The following SCAF8 variants were observed in gnomAD, a reference collection of about 807,000 sequenced individuals.
SCAF8 encodes the protein SR-related and CTD-associated factor 8.
Under a neutral mutation model 140.5 loss-of-function variants are expected in SCAF8, and 23 were observed. The observed-to-expected ratio is 0.16, with a 90% CI of 0.12 to 0.23. The LOEUF is 0.23. Among genes scored for constraint, SCAF8 ranks in the 10% least tolerant of loss-of-function variants. SCAF8 has a pLI of 1.00. For synonymous variants in SCAF8, 575 were observed against 528.9 expected, an observed-to-expected ratio of 1.09 and a Z score of -1.20; for missense variants, 1,397 against 1,555.7, an observed-to-expected ratio of 0.90 and a Z score of 1.72.
intron 12 of SCAF8, among the ~76,000 whole-genome samples, chr6:154,812,931 C>T (rs1459986580): frequency 6.6e-6 from 1 of 151,970 alleles, no homozygotes; most frequent in Non-Finnish European, 1.5e-5. Context: ...GGTGCAGCGG[C>T]TCACACCTGT....
chr6:154,752,756 C>G (rs1583003096), intron 1 of SCAF8, among the ~76,000 whole-genome samples: 1 of 152,194 alleles, frequency 6.6e-6, no homozygotes, highest in Non-Finnish European at 1.5e-5. Context: ...GAGTCTCACT[C>G]TGTCGCCCAG....
In SCAF8 at chr6:154,780,819, G is replaced by A. The variant is rs553122998; in HGVS notation, c.159+2774G>A. On this transcript the variant is annotated intron_variant, in intron 3 of 19. Coordinates refer to ENST00000367178, the MANE Select transcript of SCAF8 (RefSeq NM_014892.5). ...CCATGTCTTTGCTATCGTGAATAGT[G>A]CTGCAGTAAACATACGTGTGCATGC... is the stretch of plus-strand genomic sequence containing the variant. Among the ~76,000 whole-genome samples the A allele has an allele frequency of 6.4e-4, 97 of 152,190 alleles. 5 individuals carry two copies. In the South Asian group the frequency reaches 0.017, roughly 27 times the overall value.
At chr6:154,781,618 C>G (rs1236850313) in intron 3 of SCAF8, among the ~76,000 whole-genome samples, 1 of 152,190 alleles carries the variant, frequency 6.6e-6, no homozygotes, top group Non-Finnish European at 1.5e-5. Flanking sequence ...CCAGAAGAGA[C>G]ATATGGTTTC....
intron 9 of SCAF8, among the ~76,000 whole-genome samples, chr6:154,806,875 A>G (rs1454912070): frequency 2.0e-5 from 3 of 152,210 alleles, no homozygotes; most frequent in Admixed American, 6.5e-5. Flanking sequence ...CACAATTAAG[A>G]ACATTTAGAT....
At chr6:154,829,830 C>A (rs1170901406) in intron 18 of SCAF8, among the ~76,000 whole-genome samples, 1 of 152,138 alleles carries the variant, frequency 6.6e-6, no homozygotes, top group Non-Finnish European at 1.5e-5. Context: ...TCACTTGAAC[C>A]CAGGAGGTGG....
chr6:154,794,780 GGTGT>G (rs1183671310), intron 5 of SCAF8, among the ~76,000 whole-genome samples: 363 of 12,424 alleles, frequency 0.029, 23 homozygotes, highest in Non-Finnish European at 0.033. Context: ...GGGTGTGGGG[GGTGT>G]GTGTGTGTGT....
At chr6:154,830,740 A>T (rs1431869759) in intron 18 of SCAF8, among the ~76,000 whole-genome samples, 182 bp from the exon 19 acceptor site, 1 of 152,156 alleles carries the variant, frequency 6.6e-6, no homozygotes, top group Non-Finnish European at 1.5e-5. Flanking sequence ...TTTTTGGATA[A>T]AGCTTTCTAA....
chr6:154,777,414 C>G lies in SCAF8; in HGVS notation c.115-587C>G, dbSNP rs992197909. Among the ~76,000 whole-genome samples, 10 of 152,160 alleles carry G rather than the reference C, an allele frequency of 6.6e-5. No individual in the cohort carries two copies. The South Asian group carries it at 2.1e-3, about 32-fold the overall frequency. On this transcript the variant is annotated intron_variant, in intron 2 of 19. Transcript: ENST00000367178. ...TAGTGGCCAATTACTAATTTTTAAT[C>G]TACATGTTCACTTCCGCTGATTCAT...
chr6:154,772,022 G>A (rs1302307957), intron 1 of SCAF8, among the ~76,000 whole-genome samples: 4 of 152,116 alleles, frequency 2.6e-5, no homozygotes, highest in East Asian at 1.9e-4. Context: ...TTTGAAATAC[G>A]AGTTGGTAGA....
chr6:154,754,934 C>T lies in SCAF8; in HGVS notation c.31-19055C>T, dbSNP rs182741531. On this transcript the variant is annotated intron_variant, in intron 1 of 19. Coordinates refer to ENST00000367178, the MANE Select transcript of SCAF8 (RefSeq NM_014892.5). ...TCACCTCATGTCTAAACTTGCCTTT[C>T]CTCCACAAACTTACTTTTAGACTTC... is the stretch of plus-strand genomic sequence containing the variant. 2.1e-3 allele frequency among the ~76,000 whole-genome samples: 316 copies of T among 152,302 alleles called. 1 individual carries two copies. The highest frequency in any genetic ancestry group is 6.7e-3 in the African/African-American group (280 of 41,570).
chr6:154,824,957 AG>A (rs1371730260), intron 17 of SCAF8: 3 of 149,258 alleles, frequency 2.0e-5, no homozygotes, highest in Non-Finnish European at 4.4e-5. Context: ...AAAGAAAAAA[AG>A]GTGAAAAAAA....
intron 1 of SCAF8, among the ~76,000 whole-genome samples, chr6:154,766,663 C>A (rs1350630463): frequency 9.3e-6 from 1 of 107,530 alleles, no homozygotes; most frequent in African/African-American, 4.3e-5. Flanking sequence ...AGCAGCACCC[C>A]CCCCCCTTTT....
chr6:154,754,699 T>C (rs942394005), intron 1 of SCAF8, among the ~76,000 whole-genome samples: 1 of 152,258 alleles, frequency 6.6e-6, no homozygotes, highest in Non-Finnish European at 1.5e-5. Flanking sequence ...TTGGTTAGTC[T>C]CATTTCTGAA....
At chr6:154,740,954 C>T in intron 1 of SCAF8, among the ~76,000 whole-genome samples, 1 of 152,040 alleles carries the variant, frequency 6.6e-6, no homozygotes, top group African/African-American at 2.4e-5. Flanking sequence ...TGGATGCAAT[C>T]CTAGGTAGCT....
intron 1 of SCAF8, among the ~76,000 whole-genome samples, chr6:154,735,421 C>T (rs905582820): frequency 1.3e-5 from 2 of 151,658 alleles, no homozygotes; most frequent in Admixed American, 1.3e-4. Context: ...TTTTCAATAG[C>T]AGTGATACAT....
At chr6:154,815,673 A>G (rs776360499) in intron 12 of SCAF8, 43 bp from the exon 13 acceptor site, 42 of 1,070,614 alleles carry the variant, frequency 3.9e-5, no homozygotes, top group Middle Eastern at 2.0e-4. Flanking sequence ...AGAAGTAACT[A>G]TGTCTAAATG....
chr6:154,777,174 G>C (rs1216604278), intron 2 of SCAF8, among the ~76,000 whole-genome samples: 5 of 151,256 alleles, frequency 3.3e-5, no homozygotes, highest in South Asian at 2.1e-4. Flanking sequence ...GAGTGAGAGT[G>C]TGTCTCCAAG....
Position 154,788,898 on chromosome 6 carries a change from A to G in SCAF8, c.321+876A>G, listed in dbSNP as rs1583035580. Reference sequence around the variant, plus strand: ...GAAATTTAGGTGTGCTTTTTCTGACAGGGTTGATTGCAGTGTTGATTTAAG... The same window carrying G: ...GAAATTTAGGTGTGCTTTTTCTGACGGGGTTGATTGCAGTGTTGATTTAAG... On this transcript the variant is annotated intron_variant, in intron 4 of 19. Transcript: ENST00000367178. Among the ~76,000 whole-genome samples the G allele has an allele frequency of 2.0e-5, 3 of 152,258 alleles. No homozygotes were observed. In the East Asian group the frequency reaches 5.8e-4, roughly 29 times the overall value.
intron 17 of SCAF8, 91 bp from the exon 18 acceptor site, chr6:154,827,081 A>C: frequency 9.6e-7 from 1 of 1,042,428 alleles, no homozygotes; most frequent in Non-Finnish European, 1.4e-6. Context: ...CATTTTAAGA[A>C]TATGAAGTTT....
Sources: gnomAD v4.1 joint callset for allele counts (sites outside exome capture counted in the v4.1 genomes callset) on GRCh38, gnomAD v4.1.1 for gene constraint, MANE v1.5 for transcripts, NCBI Gene and HGNC (gene_info 2026-07-23, HGNC 2026-07-21) for gene names.